TCERG1L: variants seen among roughly 807,000 people sequenced by gnomAD.
TCERG1L encodes transcription elongation regulator 1 like, also known as transcription elongation regulator 1-like protein.
Under a neutral mutation model 56.3 loss-of-function variants are expected in TCERG1L, and 37 were observed. The ratio of observed to expected loss-of-function variants is 0.66; its 90% CI spans 0.51 to 0.87. The LOEUF (loss-of-function observed/expected upper bound fraction) is 0.87. Ranked by LOEUF, TCERG1L falls within the 40% of genes least tolerant of loss-of-function variation. The pLI is 0.00. For missense variants in TCERG1L, 799 were observed against 774.2 expected (o/e 1.03, Z -0.38); for synonymous variants, 324 against 326.3 (o/e 0.99, Z 0.08).
chr10:131,278,874 T>C (rs1324104567), intron 3 of TCERG1L, among the ~76,000 whole-genome samples: 1 of 152,156 alleles, frequency 6.6e-6, no homozygotes, highest in Non-Finnish European at 1.5e-5. Context: ...TCGGGTCCCC[T>C]GAAAGTCCTC....
intron 9 of TCERG1L, among the ~76,000 whole-genome samples, chr10:131,111,121 C>G (rs1226365995): frequency 7.0e-6 from 1 of 143,560 alleles, no homozygotes; most frequent in African/African-American, 2.5e-5. Context: ...TTGAGAGGGC[C>G]TCAGATCAGG....
intron 3 of TCERG1L, 138 bp downstream of exon 3, chr10:131,308,073 T>G (rs1846833959): frequency 9.7e-7 from 1 of 1,027,146 alleles, no homozygotes. Context: ...TAAAAAAGCT[T>G]CATGCTTGTG....
rs866395515 is a variant in TCERG1L, at chr10:131,218,096, C to A, written c.856+42163G>T. ...AGGAGCCACAGCCAGTCCCGGTGGC[C>A]CCAGCTGCCTGGTTGGACACAGCCC... On this transcript the variant is annotated intron_variant, in intron 4 of 11. Transcript: ENST00000368642. Among the ~76,000 whole-genome samples the A allele has an allele frequency of 2.6e-5, 4 of 152,212 alleles. No homozygotes were observed. The East Asian group carries it at 5.8e-4, about 22-fold the overall frequency.
intron 4 of TCERG1L, among the ~76,000 whole-genome samples, chr10:131,219,625 C>T (rs1015804246): frequency 8.5e-5 from 13 of 152,222 alleles, no homozygotes; most frequent in East Asian, 3.9e-4. Flanking sequence ...CCATGTCTCC[C>T]GCCTCCCCAG....
intron 7 of TCERG1L, 116 bp from the exon 8 acceptor site, chr10:131,134,564 C>T: frequency 1.3e-6 from 1 of 755,136 alleles, no homozygotes; most frequent in South Asian, 1.7e-5. Flanking sequence ...CAACAGGCTT[C>T]TCTTAAAGAT....
chr10:131,134,578 T>C, intron 7 of TCERG1L, 130 bp from the exon 8 acceptor site: 2 of 696,156 alleles, frequency 2.9e-6, no homozygotes, highest in East Asian at 2.7e-5. Context: ...TAAAGATTGA[T>C]GTGAAATCCT....
At chr10:131,205,514 T>TATCTC (rs1845511530) in intron 4 of TCERG1L, among the ~76,000 whole-genome samples, 1 of 152,240 alleles carries the variant, frequency 6.6e-6, no homozygotes, top group African/African-American at 2.4e-5. Context: ...TTCCAGCCTG[T>TATCTC]ATCTCACATT....
intron 3 of TCERG1L, among the ~76,000 whole-genome samples, chr10:131,304,617 G>C (rs1389273293): frequency 6.6e-6 from 1 of 152,086 alleles, no homozygotes; most frequent in African/African-American, 2.4e-5. Context: ...ATGGGTCCTA[G>C]ATAATTTCTC....
intron 7 of TCERG1L, among the ~76,000 whole-genome samples, chr10:131,136,996 C>T (rs1302883326): frequency 1.3e-5 from 2 of 151,620 alleles, no homozygotes; most frequent in Admixed American, 6.6e-5. Flanking sequence ...AAAAATTAGC[C>T]GGGTGTGGTG....
intron 3 of TCERG1L, among the ~76,000 whole-genome samples, chr10:131,270,251 C>T (rs979427365): frequency 2.0e-5 from 3 of 152,276 alleles, no homozygotes; most frequent in African/African-American, 7.2e-5. Context: ...CCAGGAAGGG[C>T]GCAAAGCCAG....
At position 131,311,665 on chromosome 10, in the gene TCERG1L, GGGGCGGCGGGCGCCCGAGAT is replaced by G; in HGVS notation, c.-50_-31del. On this transcript the variant is annotated 5_prime_UTR_variant, in exon 1 of 12. Coordinates refer to ENST00000368642, the MANE Select transcript of TCERG1L (RefSeq NM_174937.4). This position sits in a 1 kb window ranked among gnomAD's most constrained non-coding sequence, Gnocchi z 4.0. Reference sequence around the variant, plus strand: ...CATCCCCGCGCTGACGGCGGCGGCGGGGGCGGCGGGCGCCCGAGATGCTGGGCCGGCGGCGGCGCGGCTCC... The same window carrying G: ...CATCCCCGCGCTGACGGCGGCGGCGGGCTGGGCCGGCGGCGGCGCGGCTCC... 1 of 1,082,182 alleles carries G rather than the reference GGGGCGGCGGGCGCCCGAGAT, an allele frequency of 9.2e-7. No individual in the cohort carries two copies. Among genetic ancestry groups the G allele is most frequent in the Non-Finnish European group, 1.1e-6 (1 of 889,342 alleles). 67.0% of individuals were successfully genotyped at this position (1,082,182 alleles called of 1,614,324 possible).
At chr10:131,240,624 A>G (rs1845960544) in intron 4 of TCERG1L, among the ~76,000 whole-genome samples, 1 of 152,194 alleles carries the variant, frequency 6.6e-6, no homozygotes, top group Non-Finnish European at 1.5e-5. Context: ...CACAGGGTTT[A>G]CAGTCTTGCA....
At chr10:131,280,278 G>C (rs1238492024) in intron 3 of TCERG1L, among the ~76,000 whole-genome samples, 1 of 152,004 alleles carries the variant, frequency 6.6e-6, no homozygotes, top group African/African-American at 2.4e-5. Flanking sequence ...AGTGAGCACA[G>C]AGGTGATTTT....
intron 4 of TCERG1L, among the ~76,000 whole-genome samples, chr10:131,219,497 G>A (rs939924352): frequency 1.3e-5 from 2 of 152,172 alleles, no homozygotes; most frequent in Admixed American, 6.5e-5. Context: ...CTAGCACATC[G>A]CTGGGCTCAA....
chr10:131,276,266 C>T (rs975908805), intron 3 of TCERG1L, among the ~76,000 whole-genome samples: 1 of 152,182 alleles, frequency 6.6e-6, no homozygotes, highest in African/African-American at 2.4e-5. Flanking sequence ...AAGATTAACC[C>T]TTTGCCCTAG....
chr10:131,113,288 G>A (rs1845427606), intron 9 of TCERG1L, among the ~76,000 whole-genome samples: 1 of 142,352 alleles, frequency 7.0e-6, no homozygotes, highest in Admixed American at 6.9e-5. Context: ...ACTCCCCAAA[G>A]GCACCTTCAA....
intron 11 of TCERG1L, among the ~76,000 whole-genome samples, chr10:131,096,728 G>A (rs1245408102): frequency 2.0e-5 from 3 of 151,946 alleles, no homozygotes; most frequent in Admixed American, 6.6e-5. Context: ...GTGAAACCCC[G>A]TCTCTACTTC....
At chr10:131,253,018 T>C (rs1253011292) in intron 4 of TCERG1L, among the ~76,000 whole-genome samples, 1 of 152,224 alleles carries the variant, frequency 6.6e-6, no homozygotes, top group Non-Finnish European at 1.5e-5. Flanking sequence ...ATGTGCCTGA[T>C]TGAGGCCGTA....
intron 4 of TCERG1L, among the ~76,000 whole-genome samples, chr10:131,213,670 T>C (rs1377310023): frequency 6.6e-6 from 1 of 152,186 alleles, no homozygotes; most frequent in Admixed American, 6.5e-5. Flanking sequence ...CAGCCTCAGG[T>C]TCCAGGCAGG....
Sources: allele counts gnomAD v4.1 joint callset (sites outside exome capture counted in the v4.1 genomes callset), GRCh38; gene constraint gnomAD v4.1.1; non-coding constraint Gnocchi (gnomAD v3.1); transcripts MANE v1.5; gene names NCBI Gene and HGNC (gene_info 2026-07-23, HGNC 2026-07-21).